Variants in ANK1 observed in about 807,000 individuals in gnomAD.
ANK1 encodes the protein ankyrin-1.
Under a neutral mutation model 210.4 loss-of-function variants are expected in ANK1, and 51 were observed. That is an observed-to-expected ratio of 0.24 (90% CI 0.19 to 0.31). ANK1 has a LOEUF of 0.31. Among genes scored for constraint, ANK1 ranks in the 10% least tolerant of loss-of-function variants. ANK1 has a pLI of 1.00. For synonymous variants in ANK1, 967 were observed against 1,025.9 expected (o/e 0.94, Z 1.10); for missense variants, 2,051 against 2,504.4 (o/e 0.82, Z 3.86).
intron 1 of ANK1, among the ~76,000 whole-genome samples, chr8:41,833,173 G>GCCTCCCTCCAGCA (rs1305040927): frequency 6.6e-6 from 1 of 151,616 alleles, no homozygotes; most frequent in African/African-American, 2.4e-5. Context: ...CCCATCCCGG[G>GCCTCCCTCCAGCA]CCTCCCTCCA....
At chr8:41,849,998 C>T (rs1262900840) in intron 1 of ANK1, among the ~76,000 whole-genome samples, 3 of 152,132 alleles carry the variant, frequency 2.0e-5, no homozygotes, top group African/African-American at 4.8e-5. Flanking sequence ...GCCCTGGCAG[C>T]GGCTCTCAGA....
At chr8:41,786,061 C>G (rs999795628) in intron 1 of ANK1, among the ~76,000 whole-genome samples, 1 of 152,250 alleles carries the variant, frequency 6.6e-6, no homozygotes, top group Non-Finnish European at 1.5e-5. Flanking sequence ...GCAGTTTTCT[C>G]TCCTCCTCCC....
chr8:41,701,582 A>G lies in ANK1; in HGVS notation c.2429T>C (p.Val810Ala). 6.2e-7 allele frequency: 1 copy of G among 1,614,204 alleles called. No homozygotes were observed. Among genetic ancestry groups the G allele is most frequent in the East Asian group, 2.2e-5 (1 of 44,880 alleles). Reference sequence around the variant, plus strand: ...TTCCGAGACATCCAGGATCTCATCAACTGTCTCAGGGAAACTCATTCGATG... The same window carrying G: ...TTCCGAGACATCCAGGATCTCATCAGCTGTCTCAGGGAAACTCATTCGATG... ...DKHRMSFPETVDEILDVSEDE... is the reference protein window; with the variant it reads ...DKHRMSFPETADEILDVSEDE... The change falls in exon 22 of 43, where the codon GTT becomes GCT. Residue 810 changes from valine to alanine, a missense_variant. Coordinates refer to ENST00000289734, the MANE Select transcript of ANK1 (RefSeq NM_000037.4).
Position 41,684,696 on chromosome 8 carries a change from G to C in ANK1, c.4391-6C>G. On this transcript the variant is annotated splice_polypyrimidine_tract_variant and splice_region_variant and intron_variant, in intron 36 of 42. Transcript: ENST00000289734. ...GGCTGTGTACAGATTCTCCACTGTG[G>C]GCGCAGAAGAGAGATGCACGTTACT... 1 of 1,613,516 alleles carries C rather than the reference G, an allele frequency of 6.2e-7. No homozygotes were observed. The highest frequency in any genetic ancestry group is 8.5e-7 in the Non-Finnish European group (1 of 1,179,870).
chr8:41,873,928 A>G (rs1340732716), intron 1 of ANK1, among the ~76,000 whole-genome samples: 1 of 152,194 alleles, frequency 6.6e-6, no homozygotes, highest in Non-Finnish European at 1.5e-5. Flanking sequence ...AAACAGACCC[A>G]GCCAAGCTCA....
chr8:41,688,331 G>A lies in ANK1; in HGVS notation c.4184-101C>T, dbSNP rs1818265483. ...TGGATGTGGCTTCCGTGTGCACTGG[G>A]GTGATTGTCTAGACTCTCTGCAAGA... On this transcript the variant is annotated intron_variant, in intron 34 of 42. Transcript: ENST00000289734. 4 of 1,455,870 alleles carry A rather than the reference G, an allele frequency of 2.7e-6. No individual in the cohort carries two copies. The East Asian group carries it at 6.8e-5, about 25-fold the overall frequency. 90.2% of individuals were successfully genotyped at this position (1,455,870 alleles called of 1,614,324 possible). A position where few individuals can be genotyped will look rare whatever the true frequency, so the allele number is the denominator to read the frequency against.
At chr8:41,665,416 C>A in intron 39 of ANK1, 1 of 567,824 alleles carries the variant, frequency 1.8e-6, no homozygotes, top group Non-Finnish European at 2.7e-6. Context: ...TGAGTGACAC[C>A]CGCTGCTGCC....
chr8:41,775,452 C>T (rs1489003644), intron 1 of ANK1, among the ~76,000 whole-genome samples: 1 of 152,242 alleles, frequency 6.6e-6, no homozygotes, highest in Non-Finnish European at 1.5e-5. Context: ...GAGAAGGTAG[C>T]CTTGAACCAT....
intron 10 of ANK1, among the ~76,000 whole-genome samples, chr8:41,719,283 A>G (rs1334169671): frequency 2.0e-5 from 3 of 152,084 alleles, no homozygotes; most frequent in Non-Finnish European, 2.9e-5. Context: ...TTCATCCCCA[A>G]AGCAGCTCAG....
upstream of ANK1, among the ~76,000 whole-genome samples, chr8:41,798,706 G>C (rs2150773576): frequency 6.6e-6 from 1 of 152,278 alleles, no homozygotes; most frequent in African/African-American, 2.4e-5. Context: ...CTGGACCCTG[G>C]GGGTGGTGCC....
intron 40 of ANK1, among the ~76,000 whole-genome samples, chr8:41,662,736 G>GACGC (rs1808873836): frequency 6.6e-6 from 1 of 152,150 alleles, no homozygotes; most frequent in African/African-American, 2.4e-5. Context: ...AGGCAAGACA[G>GACGC]ACGCACAAGG....
intron 37 of ANK1, among the ~76,000 whole-genome samples, chr8:41,676,543 A>C (rs2150568159): frequency 6.6e-6 from 1 of 152,262 alleles, no homozygotes; most frequent in South Asian, 2.1e-4. Flanking sequence ...TCATTTTCTT[A>C]ACAGTGTATT....
At chr8:41,715,897 A>C in intron 13 of ANK1, 48 bp from the exon 14 acceptor site, 1 of 1,611,046 alleles carries the variant, frequency 6.2e-7, no homozygotes, top group Non-Finnish European at 8.5e-7. Flanking sequence ...AATGTTACCA[A>C]ATCCAACTTT....
intron 37 of ANK1, among the ~76,000 whole-genome samples, chr8:41,680,707 G>A (rs1050027018): frequency 6.6e-6 from 1 of 152,188 alleles, no homozygotes; most frequent in African/African-American, 2.4e-5. Flanking sequence ...TCCCAGCCAT[G>A]CTGGCTGAGA....
At chr8:41,665,021 C>T (rs749946265) in intron 39 of ANK1, 1 of 1,613,402 alleles carries the variant, frequency 6.2e-7, no homozygotes, top group Non-Finnish European at 8.5e-7. Flanking sequence ...CGAAAGTCCA[C>T]ATCCTCGCCT....
intron 20 of ANK1, 107 bp downstream of exon 20, chr8:41,703,934 C>T (rs1451097818): frequency 1.5e-5 from 16 of 1,073,094 alleles, no homozygotes; most frequent in Non-Finnish European, 1.9e-5. Flanking sequence ...GCTGCGGCCC[C>T]GTCCAGGCCC....
At chr8:41,693,000 T>A in intron 30 of ANK1, 105 bp downstream of exon 30, 3 of 1,512,496 alleles carry the variant, frequency 2.0e-6, no homozygotes, top group Non-Finnish European at 2.8e-6. Context: ...CACGGAGGCT[T>A]CCACATGGAG....
In ANK1 at chr8:41,747,016, A is replaced by G. The variant is rs906395817; in HGVS notation, c.129+11020T>C. On this transcript the variant is annotated intron_variant, in intron 2 of 42. Coordinates refer to ENST00000289734, the MANE Select transcript of ANK1 (RefSeq NM_000037.4). ...AATGACAAAACTGCTCTGAGCTTCC[A>G]GTTTCGTCTGAATTCCATAATTCCA... 2.0e-5 allele frequency among the ~76,000 whole-genome samples: 3 copies of G among 152,170 alleles called. No individual in the cohort carries two copies. The East Asian group carries it at 5.8e-4, about 29-fold the overall frequency.
At chr8:41,754,780 C>A (rs1456405948) in intron 2 of ANK1, among the ~76,000 whole-genome samples, 1 of 152,170 alleles carries the variant, frequency 6.6e-6, no homozygotes, top group Non-Finnish European at 1.5e-5. Context: ...GCAGTCCCTC[C>A]CCCACCACCA....
Sources: allele counts gnomAD v4.1 joint callset (sites outside exome capture counted in the v4.1 genomes callset), GRCh38; gene constraint gnomAD v4.1.1; transcripts MANE v1.5; gene names NCBI Gene and HGNC (gene_info 2026-07-23, HGNC 2026-07-21).